PIK3R4: variants seen among roughly 807,000 people sequenced by gnomAD.
The protein encoded by PIK3R4 is phosphoinositide 3-kinase regulatory subunit 4.
PIK3R4 carries 46 observed loss-of-function variants against 136.5 expected under a neutral mutation model. The observed-to-expected ratio is 0.34, with a 90% confidence interval of 0.27 to 0.43. PIK3R4 has a LOEUF of 0.43. Ranked by LOEUF, PIK3R4 falls within the 20% of genes least tolerant of loss-of-function variation. The pLI is 1.00. For synonymous variants in PIK3R4, 557 were observed against 566.7 expected (o/e 0.98, Z 0.24); for missense variants, 1,331 against 1,649.5 (o/e 0.81, Z 3.35).
chr3:130,689,396 G>A (rs1576450879), intron 14 of PIK3R4, among the ~76,000 whole-genome samples: 1 of 152,278 alleles, frequency 6.6e-6, no homozygotes, highest in East Asian at 1.9e-4. Flanking sequence ...TTACTATACA[G>A]ACATCATCTG....
chr3:130,703,915 T>A (rs1181243691), intron 12 of PIK3R4, 27 bp from the exon 13 acceptor site: 1 of 1,531,738 alleles, frequency 6.5e-7, no homozygotes, highest in Non-Finnish European at 9.0e-7. Flanking sequence ...GAGTGTATCA[T>A]AAACTGTAGT....
rs145601696 is a variant in PIK3R4 at position 130,710,066 on chromosome 3, A to C, written c.2332-1574T>G. On this transcript the variant is annotated intron_variant, in intron 9 of 19. Coordinates refer to ENST00000356763, the MANE Select transcript of PIK3R4 (RefSeq NM_014602.3). ...AAAAAATGTTAGCACTGCACCATGA[A>C]AAAACAAATTGACAAGAACATTACA... is the stretch of plus-strand genomic sequence containing the variant. 2.8e-3 allele frequency among the ~76,000 whole-genome samples: 419 copies of C among 152,302 alleles called. 2 individuals carry two copies. Among genetic ancestry groups the C allele is most frequent in the African/African-American group, 9.6e-3 (401 of 41,576 alleles).
chr3:130,723,377 T>C, intron 7 of PIK3R4, 37 bp downstream of exon 7: 1 of 1,548,294 alleles, frequency 6.5e-7, no homozygotes, highest in South Asian at 1.2e-5. Flanking sequence ...ATAAAGTTCT[T>C]CCAATCTCAT....
intron 6 of PIK3R4, 110 bp from the exon 7 acceptor site, chr3:130,723,697 G>A: frequency 4.7e-6 from 4 of 853,540 alleles, no homozygotes; most frequent in Admixed American, 3.1e-5. Context: ...CAATTACCTA[G>A]GAAAGAACAT....
intron 7 of PIK3R4, among the ~76,000 whole-genome samples, chr3:130,722,491 G>T (rs1385787111): frequency 6.6e-6 from 1 of 151,988 alleles, no homozygotes; most frequent in East Asian, 1.9e-4. Context: ...CTGTTTTGTA[G>T]ATAAATAAAA....
chr3:130,684,503 TAAAAA>T (rs570202185), intron 15 of PIK3R4, 122 bp from the exon 16 acceptor site: 2 of 861,192 alleles, frequency 2.3e-6, no homozygotes, highest in Non-Finnish European at 1.7e-6. Context: ...CTTCGTTACT[TAAAAA>T]AAAGTTTTGT....
chr3:130,725,874 A>G (rs776352350), intron 6 of PIK3R4: 14 of 152,240 alleles, frequency 9.2e-5, no homozygotes, highest in Non-Finnish European at 1.6e-4. Flanking sequence ...TAAGAAATAT[A>G]TATCAAAACA....
rs2066769421 is a variant in PIK3R4 at position 130,733,452 on chromosome 3, C to T, written c.1450+96G>A. 2.4e-5 allele frequency: 18 copies of T among 754,944 alleles called. No homozygotes were observed. The South Asian group carries it at 3.1e-4, about 13-fold the overall frequency. 46.8% of individuals were successfully genotyped at this position (754,944 alleles called of 1,614,324 possible). A position where few individuals can be genotyped will look rare whatever the true frequency, so the allele number is the denominator to read the frequency against. Reference sequence around the variant, plus strand: ...AATAGTTCAAAGAGCAAAGTTCATACTTGCAATTCTCAAACAAATCAGAAA... The same window carrying T: ...AATAGTTCAAAGAGCAAAGTTCATATTTGCAATTCTCAAACAAATCAGAAA... On this transcript the variant is annotated intron_variant, in intron 4 of 19. Transcript: ENST00000356763.
chr3:130,718,370 C>CA lies in PIK3R4; in HGVS notation c.2127+18dup. On this transcript the variant is annotated intron_variant, in intron 8 of 19. Coordinates refer to ENST00000356763, the MANE Select transcript of PIK3R4 (RefSeq NM_014602.3). ...CACAGTTTGGAGGAAAGACTGACTC[C>CA]AACTTGGAACATGTATACCTGTATT... The CA allele has an allele frequency of 1.9e-6, 3 of 1,598,024 alleles. No individual in the cohort carries two copies. The highest frequency in any genetic ancestry group is 2.6e-6 in the Non-Finnish European group (3 of 1,169,400).
chr3:130,744,203 T>C (rs1370902870), intron 2 of PIK3R4, among the ~76,000 whole-genome samples: 1 of 152,226 alleles, frequency 6.6e-6, no homozygotes, highest in Non-Finnish European at 1.5e-5. Flanking sequence ...TATGAAAATA[T>C]ATTATCCACC....
At chr3:130,717,033 A>T (rs2066668695) in intron 8 of PIK3R4, among the ~76,000 whole-genome samples, 1 of 152,242 alleles carries the variant, frequency 6.6e-6, no homozygotes, top group Admixed American at 6.5e-5. Flanking sequence ...ACTTCTAAAA[A>T]ACATTGCTAT....
Position 130,716,732 on chromosome 3 carries a change from T to A in PIK3R4, c.2128-133A>T. The A allele has an allele frequency of 8.0e-6, 5 of 627,158 alleles. No homozygotes were observed. The Admixed American group carries it at 1.6e-4, about 20-fold the overall frequency. 38.8% of individuals were successfully genotyped at this position (627,158 alleles called of 1,614,324 possible). On this transcript the variant is annotated intron_variant, in intron 8 of 19. Transcript: ENST00000356763. Reference sequence around the variant, plus strand: ...AATAAGATATCAACATCTGTAAGTGTGTAGAAGAAAAAAGAATACTAGTAA... The same window carrying A: ...AATAAGATATCAACATCTGTAAGTGAGTAGAAGAAAAAAGAATACTAGTAA...
At chr3:130,703,033 G>C (rs2066583447) in intron 13 of PIK3R4, among the ~76,000 whole-genome samples, 1 of 152,062 alleles carries the variant, frequency 6.6e-6, no homozygotes. Context: ...TTATTTAATA[G>C]TCTTCTAACT....
intron 2 of PIK3R4, among the ~76,000 whole-genome samples, chr3:130,740,053 T>C (rs2066812046): frequency 6.6e-6 from 1 of 152,130 alleles, no homozygotes; most frequent in African/African-American, 2.4e-5. Flanking sequence ...GGTACAACAG[T>C]CATAAAAGGT....
In PIK3R4 at chr3:130,744,512, T is replaced by C; in HGVS notation, c.707A>G (p.Lys236Arg). Reference sequence around the variant, plus strand: ...TGCTGAAAAGATGTCCATTGCTCTCTTCAACTCTCCTCTTGTTCTCTGATT... The same window carrying C: ...TGCTGAAAAGATGTCCATTGCTCTCCTCAACTCTCCTCTTGTTCTCTGATT... ...NSNQRTRGEL[K>R]RAMDIFSAGC... The change falls in exon 2 of 20, where the codon AAG (lysine) becomes AGG (arginine). Residue 236 changes from lysine to arginine, a missense_variant. Lys to Arg is a conservative substitution (Grantham distance 26). This residue lies in a region of PIK3R4 where 1,180 missense variants were observed against 1,407.0 expected (regional missense o/e 0.84). Coordinates refer to ENST00000356763, the MANE Select transcript of PIK3R4 (RefSeq NM_014602.3). 1 of 1,613,836 alleles carries C rather than the reference T, an allele frequency of 6.2e-7. No homozygotes were observed. Among genetic ancestry groups the C allele is most frequent in the Admixed American group, 1.7e-5 (1 of 60,008 alleles).
At chr3:130,743,981 C>T (rs1175764792) in intron 2 of PIK3R4, among the ~76,000 whole-genome samples, 1 of 152,168 alleles carries the variant, frequency 6.6e-6, no homozygotes, top group Non-Finnish European at 1.5e-5. Flanking sequence ...AAAGTTAACT[C>T]CCAATCAACT....
In PIK3R4 at chr3:130,720,414, T is replaced by G. The variant is rs189348898; in HGVS notation, c.1982-1880A>C. 7.9e-5 allele frequency among the ~76,000 whole-genome samples: 12 copies of G among 152,306 alleles called. No homozygotes were observed. In the East Asian group the frequency reaches 2.3e-3, roughly 29 times the overall value. ...TTCTCCATGTTGATCAGGCTGGTCTTGAGCTCCTGACCTCAGGTGATCCGC... is the reference window on the plus strand; with the variant it reads ...TTCTCCATGTTGATCAGGCTGGTCTGGAGCTCCTGACCTCAGGTGATCCGC... On this transcript the variant is annotated intron_variant, in intron 7 of 19. Coordinates refer to ENST00000356763, the MANE Select transcript of PIK3R4 (RefSeq NM_014602.3).
At position 130,705,446 on chromosome 3, in the gene PIK3R4, A is replaced by G. The variant is rs1178536840; in HGVS notation, c.2932+115T>C. ...CTGCTTCTTCTTCTGGGTTTCCCAA[A>G]TAACATTTTTGTTCTTACCTCTTTT... On this transcript the variant is annotated intron_variant, in intron 12 of 19. Coordinates refer to ENST00000356763, the MANE Select transcript of PIK3R4 (RefSeq NM_014602.3). 4 of 687,746 alleles carry G rather than the reference A, an allele frequency of 5.8e-6. No homozygotes were observed. The Admixed American group carries it at 8.0e-5, about 14-fold the overall frequency. 42.6% of individuals were successfully genotyped at this position (687,746 alleles called of 1,614,324 possible).
intron 9 of PIK3R4, among the ~76,000 whole-genome samples, chr3:130,710,307 T>A (rs1260432895): frequency 1.3e-5 from 2 of 152,042 alleles, no homozygotes; most frequent in Non-Finnish European, 2.9e-5. Flanking sequence ...GAAAAATCAA[T>A]CAACATATTT....
Sources: gnomAD v4.1 joint callset for allele counts (sites outside exome capture counted in the v4.1 genomes callset) on GRCh38, gnomAD v4.1.1 for gene constraint, gnomAD v4.1.1 regional missense constraint, MANE v1.5 for transcripts, NCBI Gene and HGNC (gene_info 2026-07-23, HGNC 2026-07-21) for gene names.